Variants in HEY2 observed in about 807,000 individuals in gnomAD.
The protein encoded by HEY2 is hairy/enhancer-of-split related with YRPW motif protein 2.
Under a neutral mutation model 18.1 loss-of-function variants are expected in HEY2, and 10 were observed. The observed-to-expected ratio is 0.55, with a 90% confidence interval of 0.34 to 0.94. The LOEUF (loss-of-function observed/expected upper bound fraction) is 0.94. Ranked by LOEUF, HEY2 falls within the 40% of genes least tolerant of loss-of-function variation. HEY2 has a pLI of 0.02. For missense variants in HEY2, 455 were observed against 455.9 expected, an observed-to-expected ratio of 1.00 and a Z score of 0.02; for synonymous variants, 210 against 182.7, an observed-to-expected ratio of 1.15 and a Z score of -1.21.
chr6:125,749,696 A>C lies in HEY2; in HGVS notation c.-81A>C. ...CGCGCCTGCCCAGGCCCGGGGAGGG[A>C]GGAGGCGGGCGTCAGGGTGCTGCGC... is the stretch of plus-strand genomic sequence containing the variant. On this transcript the variant is annotated 5_prime_UTR_variant, in exon 1 of 5. Coordinates refer to ENST00000368364, the MANE Select transcript of HEY2 (RefSeq NM_012259.3). The C allele has an allele frequency of 9.9e-7, 1 of 1,014,364 alleles. No homozygotes were observed. The highest frequency in any genetic ancestry group is 1.4e-6 in the Non-Finnish European group (1 of 699,846). 62.8% of individuals were successfully genotyped at this position (1,014,364 alleles called of 1,614,324 possible). A position where few individuals can be genotyped will look rare whatever the true frequency, so the allele number is the denominator to read the frequency against.
chr6:125,756,172 C>T (rs1773652168), intron 4 of HEY2, among the ~76,000 whole-genome samples: 1 of 152,102 alleles, frequency 6.6e-6, no homozygotes, highest in East Asian at 1.9e-4. Context: ...TAAAATTTGT[C>T]CCAGAATAGT....
intron 1 of HEY2, among the ~76,000 whole-genome samples, chr6:125,750,096 G>A (rs1773511340): frequency 1.3e-5 from 2 of 152,204 alleles, no homozygotes; most frequent in African/African-American, 4.8e-5. Flanking sequence ...CCACTGAAAG[G>A]CAGAGCGCAG....
intron 4 of HEY2, among the ~76,000 whole-genome samples, chr6:125,757,535 T>C (rs1487242047): frequency 1.3e-5 from 2 of 152,260 alleles, no homozygotes; most frequent in Admixed American, 6.5e-5. Context: ...ACTCTTAATA[T>C]ATGTGACTAC....
At chr6:125,750,144 C>A (rs1773513471) in intron 1 of HEY2, 2 of 634,636 alleles carry the variant, frequency 3.2e-6, no homozygotes, top group Non-Finnish European at 3.9e-6. Context: ...CACAGTTGGA[C>A]GCGCGAACGG....
intron 4 of HEY2, among the ~76,000 whole-genome samples, chr6:125,757,175 C>T (rs1290065836): frequency 2.0e-5 from 3 of 152,114 alleles, no homozygotes; most frequent in Admixed American, 1.3e-4. Flanking sequence ...ACCTAAGTTT[C>T]GAAATCCCTC....
rs549151246 is a variant in HEY2, at chr6:125,759,158, A to G, written c.370A>G (p.Ile124Val). Reference sequence around the variant, plus strand: ...CGCTCTTGCCATGGACTTCATGAGCATAGGATTCCGAGAGTGCCTAACAGA... The same window carrying G: ...CGCTCTTGCCATGGACTTCATGAGCGTAGGATTCCGAGAGTGCCTAACAGA... Reference protein sequence around the residue: ...AHALAMDFMSIGFRECLTEVA... With the variant: ...AHALAMDFMSVGFRECLTEVA... The change falls in exon 5 of 5, where the codon ATA becomes GTA. Residue 124 changes from isoleucine to valine, a missense_variant. Transcript: ENST00000368364. 3.9e-4 allele frequency: 631 copies of G among 1,612,554 alleles called. 8 individuals are homozygous for G. The South Asian group carries it at 6.2e-3, about 16-fold the overall frequency.
Position 125,759,901 on chromosome 6 carries a change from G to C in HEY2, c.*99G>C. The C allele has an allele frequency of 1.1e-6, 1 of 897,076 alleles. No homozygotes were observed. Among genetic ancestry groups the C allele is most frequent in the Non-Finnish European group, 1.7e-6 (1 of 590,140 alleles). 55.6% of individuals were successfully genotyped at this position (897,076 alleles called of 1,614,324 possible). ...GAAGGTAGCCATACAGATGCCGACAGATCCACAAAGGAACAATAAAGCTAT... is the reference window on the plus strand; with the variant it reads ...GAAGGTAGCCATACAGATGCCGACACATCCACAAAGGAACAATAAAGCTAT... On this transcript the variant is annotated 3_prime_UTR_variant, in exon 5 of 5. Transcript: ENST00000368364.
At chr6:125,758,452 A>G (rs914050282) in intron 4 of HEY2, among the ~76,000 whole-genome samples, 5 of 152,240 alleles carry the variant, frequency 3.3e-5, no homozygotes, top group African/African-American at 1.2e-4. Context: ...GAAATATAAG[A>G]TCTTCAAGTA....
chr6:125,757,619 T>G (rs1220916898), intron 4 of HEY2, among the ~76,000 whole-genome samples: 2 of 152,228 alleles, frequency 1.3e-5, no homozygotes, highest in Non-Finnish European at 2.9e-5. Context: ...AGGTAATGCT[T>G]TGATCAGCAA....
chr6:125,757,201 T>C (rs1773679803), intron 4 of HEY2, among the ~76,000 whole-genome samples: 1 of 152,246 alleles, frequency 6.6e-6, no homozygotes, highest in Non-Finnish European at 1.5e-5. Context: ...TTCTGGACTC[T>C]GTCTATTCTA....
intron 4 of HEY2, 45 bp from the exon 5 acceptor site, chr6:125,759,072 G>A (rs1773724291): frequency 6.9e-7 from 1 of 1,455,556 alleles, no homozygotes; most frequent in South Asian, 1.3e-5. Flanking sequence ...CCTACCTCCC[G>A]CCCATCTCTC....
chr6:125,753,284 TGATTTTTTTTCTTGGTTTGTTA>T (rs1197256435), intron 3 of HEY2, among the ~76,000 whole-genome samples: 1 of 152,224 alleles, frequency 6.6e-6, no homozygotes, highest in African/African-American at 2.4e-5. Flanking sequence ...GAAGTCTGTT[TGATTTTTTTTCTTGGTTTGTTA>T]GATTTTTTTT....
chr6:125,757,686 C>T (rs542560842), intron 4 of HEY2, among the ~76,000 whole-genome samples: 5 of 152,312 alleles, frequency 3.3e-5, no homozygotes, highest in African/African-American at 7.2e-5. Context: ...TGGTGGCTCA[C>T]GCCTGTAATC....
intron 3 of HEY2, 68 bp downstream of exon 3, chr6:125,752,158 A>C: frequency 3.5e-6 from 3 of 865,630 alleles, no homozygotes; most frequent in Non-Finnish European, 5.6e-6. Context: ...CTCAAACACA[A>C]TCTGATTCGC....
Position 125,759,415 on chromosome 6 carries a change from T to G in HEY2, c.627T>G (p.Pro209=), listed in dbSNP as rs200676653. 2.6e-4 allele frequency: 419 copies of G among 1,611,352 alleles called. No homozygotes were observed. Among genetic ancestry groups the G allele is most frequent in the Non-Finnish European group, 6.8e-6 (8 of 1,179,804 alleles). ...GCCTCCATGCCTCAGAGTCAACCCC[T>G]TGTCGCCTCTCCACAACTTCAGAAG... The part of the protein sequence containing the change: ...PNGLHASEST[P]CRLSTTSEVP... The change falls in exon 5 of 5, where the codon CCT becomes CCG. Residue 209 remains proline (P), a synonymous_variant. Transcript: ENST00000368364.
At chr6:125,757,700 G>A (rs1478710825) in intron 4 of HEY2, among the ~76,000 whole-genome samples, 1 of 152,352 alleles carries the variant, frequency 6.6e-6, no homozygotes, top group Non-Finnish European at 1.5e-5. Flanking sequence ...TGTAATCCCA[G>A]CACTTTGGGA....
intron 4 of HEY2, among the ~76,000 whole-genome samples, chr6:125,755,079 G>A (rs866788751): frequency 6.6e-6 from 1 of 152,096 alleles, no homozygotes; most frequent in African/African-American, 2.4e-5. Flanking sequence ...CTTGAATTTA[G>A]ACCAAACAGA....
rs2128530103 is a variant in HEY2 at position 125,759,655 on chromosome 6, T to C, written c.867T>C (p.Leu289=). 6.2e-7 allele frequency: 1 copy of C among 1,611,218 alleles called. No homozygotes were observed. The highest frequency in any genetic ancestry group is 1.6e-4 in the Middle Eastern group (1 of 6,062). Residue 289 remains leucine (L), a synonymous_variant, in exon 5 of 5, where the codon CTT becomes CTC. Coordinates refer to ENST00000368364, the MANE Select transcript of HEY2 (RefSeq NM_012259.3). ...CCTTCGCGGGGGCATTCCCCATGCT[T>C]CCCCCAAACGCAGCAGCAGCAGTGG... ...PLSFAGAFPM[L]PPNAAAAVAA...
chr6:125,752,492 A>C (rs886195675), intron 3 of HEY2, among the ~76,000 whole-genome samples: 1 of 152,046 alleles, frequency 6.6e-6, no homozygotes, highest in African/African-American at 2.4e-5. Context: ...TTAATTAAAA[A>C]ACAATCAGAG....
Sources: gnomAD v4.1 joint callset for allele counts (sites outside exome capture counted in the v4.1 genomes callset) on GRCh38, gnomAD v4.1.1 for gene constraint, MANE v1.5 for transcripts, NCBI Gene and HGNC (gene_info 2026-07-23, HGNC 2026-07-21) for gene names.